The following COL3A1 variants were observed in gnomAD, a reference collection of about 807,000 sequenced individuals.
COL3A1 encodes collagen alpha-1(III) chain.
A neutral mutation model predicts 200.9 loss-of-function variants in COL3A1; 46 were observed. The ratio of observed to expected loss-of-function variants is 0.23; its 90% confidence interval spans 0.18 to 0.29. COL3A1 has a LOEUF of 0.29. COL3A1 is among the 10% of genes least tolerant of loss of function. The pLI, the probability that COL3A1 is intolerant of heterozygous loss-of-function variation, is 1.00. For synonymous variants in COL3A1, 650 were observed against 628.0 expected, an observed-to-expected ratio of 1.03 and a Z score of -0.52; for missense variants, 1,367 against 1,917.6, an observed-to-expected ratio of 0.71 and a Z score of 5.36.
At chr2:189,005,830 A>G (rs1044898970) in intron 41 of COL3A1, among the ~76,000 whole-genome samples, 1 of 152,150 alleles carries the variant, frequency 6.6e-6, no homozygotes, top group African/African-American at 2.4e-5. Flanking sequence ...TCATAATTGT[A>G]TACATTTATA....
intron 1 of COL3A1, among the ~76,000 whole-genome samples, chr2:188,979,370 G>T (rs1230410235): frequency 6.6e-6 from 1 of 151,884 alleles, no homozygotes; most frequent in Non-Finnish European, 1.5e-5. Flanking sequence ...GAATCATTTA[G>T]TAACTATATT....
chr2:188,991,211 A>G (rs1188387388), intron 11 of COL3A1, among the ~76,000 whole-genome samples, 154 bp downstream of exon 11: 1 of 152,160 alleles, frequency 6.6e-6, no homozygotes, highest in African/African-American at 2.4e-5. Flanking sequence ...CAGATATTCT[A>G]TTAACGCTTC....
chr2:188,976,026 C>T (rs907690746), intron 1 of COL3A1, among the ~76,000 whole-genome samples: 18 of 151,868 alleles, frequency 1.2e-4, no homozygotes, highest in African/African-American at 3.6e-4. Context: ...CTCACCCTTT[C>T]TTTCCCCTGA....
intron 31 of COL3A1, 88 bp downstream of exon 31, chr2:188,999,665 A>G (rs1169063781): frequency 2.8e-6 from 4 of 1,446,594 alleles, no homozygotes; most frequent in East Asian, 4.7e-5. Flanking sequence ...AATCGACTGT[A>G]TTTTCAAAAT....
chr2:188,989,566 G>C, intron 8 of COL3A1, 117 bp downstream of exon 8: 1 of 794,400 alleles, frequency 1.3e-6, no homozygotes, highest in East Asian at 2.7e-5. Flanking sequence ...AAATATTGTT[G>C]TCTTAACAAC....
chr2:188,990,799 A>C (rs1576463505), intron 10 of COL3A1, among the ~76,000 whole-genome samples: 1 of 152,114 alleles, frequency 6.6e-6, no homozygotes, highest in Non-Finnish European at 1.5e-5. Flanking sequence ...TATCAGACTA[A>C]ATTGCACTTT....
In COL3A1 at chr2:189,007,007, T is replaced by C. The variant is rs1361961537; in HGVS notation, c.3255+17T>C. The C allele has an allele frequency of 6.2e-7, 1 of 1,609,492 alleles. No individual in the cohort carries two copies. Among genetic ancestry groups the C allele is most frequent in the East Asian group, 2.2e-5 (1 of 44,654 alleles). Reference sequence around the variant, plus strand: ...GGTGCTCCTGTAAGTTTTGTCATTTTTTGGTTTTATTTTGTTTTGTTCTTT... The same window carrying C: ...GGTGCTCCTGTAAGTTTTGTCATTTCTTGGTTTTATTTTGTTTTGTTCTTT... On this transcript the variant is annotated intron_variant, in intron 44 of 50. Transcript: ENST00000304636.
At chr2:188,982,709 T>C (rs1230444878) in intron 1 of COL3A1, among the ~76,000 whole-genome samples, 3 of 151,830 alleles carry the variant, frequency 2.0e-5, no homozygotes, top group Non-Finnish European at 4.4e-5. Context: ...AAATACACAT[T>C]ATTAATGGGA....
rs1160176510 is a variant in COL3A1 at position 188,987,075 on chromosome 2, A to G, written c.464A>G (p.Tyr155Cys). The G allele has an allele frequency of 6.2e-7, 1 of 1,612,518 alleles. No individual in the cohort carries two copies. The highest frequency in any genetic ancestry group is 1.3e-5 in the African/African-American group (1 of 74,874). ...TTGCCACAGAACTATTCTCCCCAGT[A>G]TGATTCATATGATGTCAAGTCTGGA... The part of the protein sequence containing the change: ...PTGPQNYSPQ[Y>C]DSYDVKSGVA... The change falls in exon 5 of 51, where the codon TAT (tyrosine) becomes TGT (cysteine). Residue 155 changes from tyrosine to cysteine, a missense_variant. This residue lies in a region of COL3A1 where 462 missense variants were observed against 681.4 expected (regional missense o/e 0.68). Coordinates refer to ENST00000304636, the MANE Select transcript of COL3A1 (RefSeq NM_000090.4).
In COL3A1 at chr2:189,006,357, G is replaced by A. The variant is rs1266554494; in HGVS notation, c.3106G>A (p.Glu1036Lys). The change falls in exon 43 of 51, where the codon GAA (glutamate) becomes AAA (lysine). Residue 1036 changes from glutamate (E) to lysine (K), a missense_variant. Transcript: ENST00000304636. ...AATTTGTTCACAGGGTGATCGTGGT[G>A]AAAATGGCTCTCCTGGTGCCCCTGG... Reference protein sequence around the residue: ...GSPGGKGDRGENGSPGAPGAP... With the variant: ...GSPGGKGDRGKNGSPGAPGAP... 17 of 1,614,170 alleles carry A rather than the reference G, an allele frequency of 1.1e-5. No individual in the cohort carries two copies. The East Asian group carries it at 3.8e-4, about 36-fold the overall frequency.
intron 47 of COL3A1, chr2:189,008,404 C>A (rs573812519): frequency 9.9e-6 from 5 of 507,334 alleles, no homozygotes; most frequent in East Asian, 7.4e-5. Flanking sequence ...ACCAAATAAA[C>A]CCTGTCCACA....
chr2:188,990,257 T>A, intron 9 of COL3A1, 50 bp from the exon 10 acceptor site: 2 of 1,588,582 alleles, frequency 1.3e-6, no homozygotes, highest in Non-Finnish European at 1.7e-6. Flanking sequence ...ACTACTAGAT[T>A]GTGATTCTAT....
chr2:189,003,868 T>C, intron 38 of COL3A1, 81 bp downstream of exon 38: 1 of 1,577,008 alleles, frequency 6.3e-7, no homozygotes, highest in Non-Finnish European at 8.7e-7. Flanking sequence ...AACTTACACA[T>C]TGCTACTTAT....
chr2:189,006,287 T>C (rs372800336), intron 42 of COL3A1, 28 bp downstream of exon 42: 210 of 1,613,976 alleles, frequency 1.3e-4, no homozygotes, highest in Non-Finnish European at 1.7e-4. Flanking sequence ...GCAATTGATT[T>C]GTGTTATCAA....
At position 188,988,769 on chromosome 2, in the gene COL3A1, C is replaced by T. The variant is rs41272809; in HGVS notation, c.636+126C>T. On this transcript the variant is annotated intron_variant, in intron 7 of 50. Transcript: ENST00000304636. The stretch of plus-strand genomic sequence containing the variant: ...AATTTACCCTTAAGTTTGTAAATAA[C>T]GAATAGCATTTTATTGAGTCTTTTG... 5.8e-3 allele frequency: 3,885 copies of T among 672,452 alleles called. 17 individuals are homozygous for T. The highest frequency in any genetic ancestry group is 7.5e-3 in the Non-Finnish European group (2,877 of 385,510). The allele number at this position is 672,452 out of a possible 1,614,324, so 41.7% of individuals were successfully genotyped here.
At chr2:188,987,212 C>T (rs1688081961) in intron 5 of COL3A1, 73 bp downstream of exon 5, 19 of 1,240,330 alleles carry the variant, frequency 1.5e-5, no homozygotes, top group Admixed American at 7.0e-5. Context: ...AATGGTTGCT[C>T]TTCTAGGAAT....
chr2:188,995,683 A>G lies in COL3A1; in HGVS notation c.1510-9A>G. 6.5e-7 allele frequency: 1 copy of G among 1,546,252 alleles called. No individual in the cohort carries two copies. Among genetic ancestry groups the G allele is most frequent in the Non-Finnish European group, 8.8e-7 (1 of 1,142,662 alleles). ...TTTTAATTTTTTTAAAATTTCTTTCACTACTTAGGGTCCTGCTGGAGAGCG... is the reference window on the plus strand; with the variant it reads ...TTTTAATTTTTTTAAAATTTCTTTCGCTACTTAGGGTCCTGCTGGAGAGCG... On this transcript the variant is annotated splice_polypyrimidine_tract_variant and intron_variant, in intron 21 of 50. Coordinates refer to ENST00000304636, the MANE Select transcript of COL3A1 (RefSeq NM_000090.4).
At chr2:189,010,402 T>C (rs777751489) in intron 49 of COL3A1, 37 bp downstream of exon 49, 75 of 1,603,296 alleles carry the variant, frequency 4.7e-5, no homozygotes, top group Non-Finnish European at 6.8e-6. Flanking sequence ...ATAAGTCACC[T>C]CTATATCCTT....
At chr2:188,980,393 TAATCTTTTA>T (rs1687926326) in intron 1 of COL3A1, among the ~76,000 whole-genome samples, 1 of 56,368 alleles carries the variant, frequency 1.8e-5, no homozygotes, top group Non-Finnish European at 3.5e-5. Context: ...TCTAAAAGAT[TAATCTTTTA>T]GACAATTCTA....
Sources: gnomAD v4.1 joint callset for allele counts (sites outside exome capture counted in the v4.1 genomes callset) on GRCh38, gnomAD v4.1.1 for gene constraint, gnomAD v4.1.1 regional missense constraint, MANE v1.5 for transcripts, NCBI Gene and HGNC (gene_info 2026-07-23, HGNC 2026-07-21) for gene names.